PTCD1: variants seen among roughly 807,000 people sequenced by gnomAD.
The protein encoded by PTCD1 is pentatricopeptide repeat-containing protein 1, mitochondrial.
In PTCD1, 50 loss-of-function variants were observed where a neutral mutation model predicts 53.4. The observed-to-expected ratio is 0.94, with a 90% CI of 0.75 to 1.19. The LOEUF is 1.19. Ranked by LOEUF, PTCD1 falls within the 50% of genes most tolerant of loss-of-function variation. PTCD1 has a pLI of 0.00. For missense variants in PTCD1, 918 were observed against 904.8 expected (o/e 1.01, Z -0.19); for synonymous variants, 413 against 394.8 (o/e 1.05, Z -0.55).
chr7:99,429,946 A>G (rs2150956138), intron 3 of PTCD1, 140 bp from the exon 4 acceptor site: 2 of 1,069,536 alleles, frequency 1.9e-6, no homozygotes, highest in Middle Eastern at 2.9e-4. Context: ...AGCCATGGAC[A>G]CATCAGAGCC....
intron 1 of PTCD1, 125 bp downstream of exon 1, chr7:99,438,567 T>A (rs1796592328): frequency 2.5e-5 from 28 of 1,131,580 alleles, no homozygotes; most frequent in Non-Finnish European, 3.1e-5. Context: ...CCACACGGAC[T>A]TCTGCAGCCT....
chr7:99,423,539 G>A (rs965508950), intron 7 of PTCD1, among the ~76,000 whole-genome samples: 2 of 152,226 alleles, frequency 1.3e-5, no homozygotes, highest in Non-Finnish European at 1.5e-5. Flanking sequence ...CGAACTGACA[G>A]AAGGCCACTG....
Position 99,417,543 on chromosome 7 carries a change from C to G in PTCD1, c.*2424G>C. ...CTGCGGTGCATTCAGACACGGGACA[C>G]CAACTTCGGGACGAACTGCATCTGC... is the stretch of plus-strand genomic sequence containing the variant. On this transcript the variant is annotated 3_prime_UTR_variant, in exon 8 of 8. Transcript: ENST00000292478. The G allele has an allele frequency of 6.2e-7, 1 of 1,611,936 alleles. No homozygotes were observed. Among genetic ancestry groups the G allele is most frequent in the Non-Finnish European group, 8.5e-7 (1 of 1,178,496 alleles).
intron 3 of PTCD1, among the ~76,000 whole-genome samples, chr7:99,431,777 C>A (rs1264945256): frequency 6.6e-6 from 1 of 152,112 alleles, no homozygotes; most frequent in Non-Finnish European, 1.5e-5. Context: ...AAAGAGAGAT[C>A]AGACTGTTAC....
chr7:99,429,697 C>T lies in PTCD1; in HGVS notation c.704G>A (p.Arg235Gln), dbSNP rs779175139. Residue 235 changes from arginine to glutamine, a missense_variant, in exon 4 of 8, where the codon CGG becomes CAG. Physicochemically the swap from Arg to Gln is conservative, Grantham distance 43. Coordinates refer to ENST00000292478, the MANE Select transcript of PTCD1 (RefSeq NM_015545.4). Reference sequence around the variant, plus strand: ...GAAGTTTTTGGCCTGCAGCTGCTGCCGGAGCTTCAGGGCGCTCTGTAGAGC... The same window carrying T: ...GAAGTTTTTGGCCTGCAGCTGCTGCTGGAGCTTCAGGGCGCTCTGTAGAGC... ...DSALQSALKL[R>Q]QQLQAKNFEL... is the part of the protein sequence containing the mutation. 15 of 1,614,068 alleles carry T rather than the reference C, an allele frequency of 9.3e-6. No individual in the cohort carries two copies. Among genetic ancestry groups the T allele is most frequent in the South Asian group, 8.8e-5 (8 of 91,084 alleles).
At chr7:99,430,941 G>A (rs369821395) in intron 3 of PTCD1, among the ~76,000 whole-genome samples, 1 of 152,054 alleles carries the variant, frequency 6.6e-6, no homozygotes, top group African/African-American at 2.4e-5. Context: ...CAGGCATGGT[G>A]GTGGGCGCCT....
intron 7 of PTCD1, among the ~76,000 whole-genome samples, chr7:99,420,690 C>T (rs1233311340): frequency 6.6e-6 from 1 of 152,242 alleles, no homozygotes; most frequent in Non-Finnish European, 1.5e-5. Flanking sequence ...GGTGCGGTGG[C>T]TCACGTCTGT....
At position 99,424,664 on chromosome 7, in the gene PTCD1, CCA is replaced by C. The variant is rs1795948539; in HGVS notation, c.1737+129_1737+130del. 1.3e-5 allele frequency: 16 copies of C among 1,252,266 alleles called. No homozygotes were observed. In the Admixed American group the frequency reaches 3.0e-4, roughly 23 times the overall value. 77.6% of individuals were successfully genotyped at this position (1,252,266 alleles called of 1,614,324 possible). A position where few individuals can be genotyped will look rare whatever the true frequency, so the allele number is the denominator to read the frequency against. On this transcript the variant is annotated intron_variant, in intron 6 of 7. Coordinates refer to ENST00000292478, the MANE Select transcript of PTCD1 (RefSeq NM_015545.4). ...ACCAAAGACCAGAAGGTCATTGACC[CCA>C]CTCTCTTTGCCCCATGCACAGTTCA... is the stretch of plus-strand genomic sequence containing the variant.
In PTCD1 at chr7:99,425,431, G is replaced by A. The variant is rs1345445361; in HGVS notation, c.1101C>T (p.Ala367=). 2 of 1,614,052 alleles carry A rather than the reference G, an allele frequency of 1.2e-6. No homozygotes were observed. Among genetic ancestry groups the A allele is most frequent in the Admixed American group, 3.3e-5 (2 of 60,022 alleles). Residue 367 remains alanine (A), a synonymous_variant, in exon 6 of 8, where the codon GCC becomes GCT. Coordinates refer to ENST00000292478, the MANE Select transcript of PTCD1 (RefSeq NM_015545.4). ...ACATGAGGTTGCCTGCCTTGGCCTG[G>A]GCTGTCCTCCTTGGCCGCTGCCTGC... ...PVSRQRPRRT[A]QAKAGNLMSA...
intron 2 of PTCD1, among the ~76,000 whole-genome samples, chr7:99,434,563 T>C (rs1584467608): frequency 6.8e-6 from 1 of 146,054 alleles, no homozygotes; most frequent in African/African-American, 2.5e-5. Context: ...AGTCTAGTGG[T>C]AAGATCAGCT....
Position 99,423,938 on chromosome 7 carries a change from T to C in PTCD1, c.1757A>G (p.Asn586Ser), listed in dbSNP as rs1215737927. Residue 586 changes from asparagine (N) to serine (S), a missense_variant, in exon 7 of 8, where the codon AAC becomes AGC. Transcript: ENST00000292478. ...TDMKKSQVTP[N>S]THIYSALINA... ...GATGAGGGCACTGTAGATGTGAGTG[T>C]TGGGGGTCACCTGGGACTTCTAGAA... is the stretch of plus-strand genomic sequence containing the variant. The C allele has an allele frequency of 1.2e-6, 2 of 1,614,124 alleles. No homozygotes were observed. The highest frequency in any genetic ancestry group is 1.7e-6 in the Non-Finnish European group (2 of 1,180,012).
intron 3 of PTCD1, among the ~76,000 whole-genome samples, chr7:99,432,718 C>G (rs138919686): frequency 6.6e-6 from 1 of 152,296 alleles, no homozygotes; most frequent in East Asian, 1.9e-4. Context: ...CTCAGTCTCT[C>G]GTCCCACCTG....
intron 2 of PTCD1, 39 bp downstream of exon 2, chr7:99,434,751 A>G: frequency 6.2e-7 from 1 of 1,612,362 alleles, no homozygotes; most frequent in Non-Finnish European, 8.5e-7. Flanking sequence ...CCACCAGGGG[A>G]AAGAAGCCAG....
chr7:99,427,369 C>T (rs1165658989), intron 5 of PTCD1, among the ~76,000 whole-genome samples: 3 of 146,446 alleles, frequency 2.0e-5, no homozygotes, highest in East Asian at 2.1e-4. Context: ...GTCAGCCCCC[C>T]GCCCGGCCAG....
In PTCD1 at chr7:99,417,744, G is replaced by A; in HGVS notation, c.*2223C>T. 6.5e-7 allele frequency: 1 copy of A among 1,535,050 alleles called. No individual in the cohort carries two copies. Among genetic ancestry groups the A allele is most frequent in the East Asian group, 2.4e-5 (1 of 40,876 alleles). ...CTCTCCCTCGTGGGAGTGGGTCCCT[G>A]TATTCAGGAATCCATGTGAGGCAGC... On this transcript the variant is annotated 3_prime_UTR_variant, in exon 8 of 8. Transcript: ENST00000292478.
intron 4 of PTCD1, 116 bp downstream of exon 4, chr7:99,429,472 G>A (rs905769358): frequency 4.8e-5 from 71 of 1,479,486 alleles, no homozygotes; most frequent in Admixed American, 2.8e-4. Flanking sequence ...GCCCAATACC[G>A]GCTGTCTCAT....
chr7:99,436,053 C>T (rs1796454716), intron 1 of PTCD1, among the ~76,000 whole-genome samples: 1 of 152,134 alleles, frequency 6.6e-6, no homozygotes. Flanking sequence ...TCAAGCGATC[C>T]TCCCATTTCA....
chr7:99,421,518 G>A (rs1051546267), intron 7 of PTCD1, among the ~76,000 whole-genome samples: 3 of 151,496 alleles, frequency 2.0e-5, no homozygotes, highest in Non-Finnish European at 1.5e-5. Flanking sequence ...GCTGGGGTGG[G>A]TGGATCACGA....
intron 5 of PTCD1, among the ~76,000 whole-genome samples, chr7:99,425,965 C>T (rs1438317349): frequency 6.6e-6 from 1 of 152,144 alleles, no homozygotes; most frequent in African/African-American, 2.4e-5. Context: ...ACTCAGGAGG[C>T]TGAAGTGGGA....
Sources: gnomAD v4.1 joint callset for allele counts (sites outside exome capture counted in the v4.1 genomes callset) on GRCh38, gnomAD v4.1.1 for gene constraint, MANE v1.5 for transcripts, NCBI Gene and HGNC (gene_info 2026-07-23, HGNC 2026-07-21) for gene names.